ZBTB20: variants seen among roughly 807,000 people sequenced by gnomAD.
The protein encoded by ZBTB20 is zinc finger and BTB domain-containing protein 20.
ZBTB20 carries 9 observed loss-of-function variants against 56.9 expected under a neutral mutation model. The ratio of observed to expected loss-of-function variants is 0.16; its 90% CI spans 0.10 to 0.28. The LOEUF is 0.28. Ranked by LOEUF, ZBTB20 falls within the 10% of genes least tolerant of loss-of-function variation. The pLI is 1.00. For synonymous variants in ZBTB20, 417 were observed against 420.7 expected (o/e 0.99, Z 0.11); for missense variants, 655 against 1,003.0 (o/e 0.65, Z 4.69).
At chr3:114,844,945 C>T (rs2074618836) in intron 4 of ZBTB20, among the ~76,000 whole-genome samples, 1 of 135,892 alleles carries the variant, frequency 7.4e-6, no homozygotes, top group African/African-American at 2.7e-5. Flanking sequence ...TTTCGAAGTT[C>T]TTTGTATTTT....
intron 6 of ZBTB20, among the ~76,000 whole-genome samples, chr3:114,675,809 C>T (rs1188506594): frequency 6.6e-6 from 1 of 151,954 alleles, no homozygotes; most frequent in Non-Finnish European, 1.5e-5. Context: ...GATGCTAACT[C>T]AATAAGAAAG....
chr3:114,743,497 T>A (rs887451291), intron 5 of ZBTB20: 1 of 153,998 alleles, frequency 6.5e-6, no homozygotes, highest in African/African-American at 2.4e-5. Flanking sequence ...AGGCCAAAAG[T>A]AAAGTGACAG....
At chr3:115,068,743 T>G (rs2082298293) in intron 2 of ZBTB20, among the ~76,000 whole-genome samples, 1 of 152,170 alleles carries the variant, frequency 6.6e-6, no homozygotes, top group Non-Finnish European at 1.5e-5. Context: ...GGCACTTAAC[T>G]TTAGATTATA....
At chr3:114,538,855 T>A (rs2048780505) in intron 6 of ZBTB20, among the ~76,000 whole-genome samples, 1 of 152,122 alleles carries the variant, frequency 6.6e-6, no homozygotes, top group Non-Finnish European at 1.5e-5. Context: ...AAAATAATGA[T>A]TAGAGTCACA....
chr3:114,632,433 A>G (rs539621194), intron 6 of ZBTB20, among the ~76,000 whole-genome samples: 3 of 152,330 alleles, frequency 2.0e-5, no homozygotes, highest in Admixed American at 6.5e-5. Flanking sequence ...TGATTCAGGC[A>G]GGCAAGTCCA....
intron 6 of ZBTB20, among the ~76,000 whole-genome samples, chr3:114,654,279 A>G (rs2108021298): frequency 6.6e-6 from 1 of 152,040 alleles, no homozygotes; most frequent in Non-Finnish European, 1.5e-5. Flanking sequence ...GGCTCATATT[A>G]TAAATGTCAA....
At position 114,659,249 on chromosome 3, in the gene ZBTB20, G is replaced by A. The variant is rs1044934927; in HGVS notation, c.-295+34279C>T. On this transcript the variant is annotated intron_variant, in intron 6 of 11. Coordinates refer to ENST00000675478, the MANE Select transcript of ZBTB20 (RefSeq NM_001348800.3). ...CCTCTGGTGGAACTCAGTTCTCACTGCCTTATCTAACCTTCCTCACTCAGC... is the reference window on the plus strand; with the variant it reads ...CCTCTGGTGGAACTCAGTTCTCACTACCTTATCTAACCTTCCTCACTCAGC... Among the ~76,000 whole-genome samples, 5 of 152,144 alleles carry A rather than the reference G, an allele frequency of 3.3e-5. 1 individual carries two copies. Among genetic ancestry groups the A allele is most frequent in the African/African-American group, 4.8e-5 (2 of 41,426 alleles).
At chr3:114,577,160 A>C (rs1348721788) in intron 6 of ZBTB20, among the ~76,000 whole-genome samples, 1 of 152,304 alleles carries the variant, frequency 6.6e-6, no homozygotes, top group Middle Eastern at 3.4e-3. Flanking sequence ...GGGAAAAAAT[A>C]ATATGTAATG....
At chr3:115,119,779 C>T (rs2084127377) in intron 1 of ZBTB20, among the ~76,000 whole-genome samples, 1 of 152,010 alleles carries the variant, frequency 6.6e-6, no homozygotes, top group Non-Finnish European at 1.5e-5. Flanking sequence ...TTACCGTATC[C>T]AACCCCACTG....
chr3:115,079,453 A>G (rs915550466), intron 1 of ZBTB20, among the ~76,000 whole-genome samples: 5 of 152,006 alleles, frequency 3.3e-5, no homozygotes. Flanking sequence ...CAGTGGTGCA[A>G]TCTCAGCTCA....
intron 3 of ZBTB20, among the ~76,000 whole-genome samples, chr3:114,961,863 G>A (rs2077466019): frequency 1.3e-5 from 2 of 152,060 alleles, no homozygotes; most frequent in Non-Finnish European, 2.9e-5. Context: ...GAATGCTATT[G>A]TTATGGTTAT....
At chr3:114,590,486 A>G (rs1480118294) in intron 6 of ZBTB20, among the ~76,000 whole-genome samples, 6 of 144,964 alleles carry the variant, frequency 4.1e-5, no homozygotes, top group Non-Finnish European at 9.0e-5. Flanking sequence ...AAATAAATTT[A>G]TTTATTAATT....
intron 5 of ZBTB20, 27 bp from the exon 6 acceptor site, chr3:114,693,602 G>A (rs1369927008): frequency 6.6e-6 from 1 of 152,052 alleles, no homozygotes; most frequent in Admixed American, 6.6e-5. Context: ...ACAGGTAAGT[G>A]CTAGGTATTT....
intron 5 of ZBTB20, among the ~76,000 whole-genome samples, chr3:114,695,054 T>A (rs982502768): frequency 3.9e-5 from 6 of 152,028 alleles, no homozygotes; most frequent in African/African-American, 1.4e-4. Context: ...ATATTTATGA[T>A]GGTACTATTA....
chr3:114,472,638 G>A (rs1468664194), intron 7 of ZBTB20, among the ~76,000 whole-genome samples: 2 of 152,028 alleles, frequency 1.3e-5, no homozygotes, highest in South Asian at 2.1e-4. Flanking sequence ...AACCTGGGAG[G>A]TGGAGGTTGC....
chr3:114,695,322 TA>T lies in ZBTB20; in HGVS notation c.-342-1748del, dbSNP rs137981094. ...AAGCCTGGATCCCATATTAAAAAAATAAAAAAAAACAGAAAAATGAGAAACA... is the reference window on the plus strand; with the variant it reads ...AAGCCTGGATCCCATATTAAAAAAATAAAAAAAACAGAAAAATGAGAAACA... On this transcript the variant is annotated intron_variant, in intron 5 of 11. Coordinates refer to ENST00000675478, the MANE Select transcript of ZBTB20 (RefSeq NM_001348800.3). 6.7e-5 allele frequency among the ~76,000 whole-genome samples: 10 copies of T among 150,020 alleles called. No homozygotes were observed. The South Asian group carries it at 1.7e-3, about 25-fold the overall frequency.
At chr3:115,107,277 T>A (rs769352158) in intron 1 of ZBTB20, among the ~76,000 whole-genome samples, 10 of 151,994 alleles carry the variant, frequency 6.6e-5, no homozygotes, top group Non-Finnish European at 1.5e-4. Context: ...AAAATCAGCC[T>A]TGTATGATGG....
rs1220596220 is a variant in ZBTB20 at position 114,314,618 on chromosome 3, AAAC to A, written c.*24384_*24386del. The A allele has an allele frequency of 6.6e-5, 10 of 151,874 alleles. No homozygotes were observed. Among genetic ancestry groups the A allele is most frequent in the African/African-American group, 1.9e-4 (8 of 41,394 alleles). 9.4% of individuals were successfully genotyped at this position (151,874 alleles called of 1,614,324 possible). A position where few individuals can be genotyped will look rare whatever the true frequency, so the allele number is the denominator to read the frequency against. ...AAAGTGCTGGTAACATTTAAAAAAA[AAAC>A]AACAAAAACCCCAAAAAAACAAACA... is the stretch of plus-strand genomic sequence containing the variant. On this transcript the variant is annotated 3_prime_UTR_variant, in exon 12 of 12. Coordinates refer to ENST00000675478, the MANE Select transcript of ZBTB20 (RefSeq NM_001348800.3).
intron 6 of ZBTB20, among the ~76,000 whole-genome samples, chr3:114,538,816 T>C (rs2048774607): frequency 6.6e-6 from 1 of 152,152 alleles, no homozygotes; most frequent in Admixed American, 6.6e-5. Flanking sequence ...AGCACAGTTA[T>C]GAAATAATAT....
Sources: allele counts gnomAD v4.1 joint callset (sites outside exome capture counted in the v4.1 genomes callset), GRCh38; gene constraint gnomAD v4.1.1; transcripts MANE v1.5; gene names NCBI Gene and HGNC (gene_info 2026-07-23, HGNC 2026-07-21).